CLPB: variants seen among roughly 807,000 people sequenced by gnomAD.
The protein encoded by CLPB is ClpB family mitochondrial disaggregase, also known as mitochondrial disaggregase.
A neutral mutation model predicts 78.4 loss-of-function variants in CLPB; 40 were observed. The ratio of observed to expected loss-of-function variants is 0.51; its 90% CI spans 0.40 to 0.66. The LOEUF is 0.66. Among genes scored for constraint, CLPB ranks in the 30% least tolerant of loss-of-function variants. CLPB has a pLI of 0.00. For synonymous variants in CLPB, 333 were observed against 348.0 expected (o/e 0.96, Z 0.48); for missense variants, 780 against 886.9 (o/e 0.88, Z 1.53).
rs1949423937 is a variant in CLPB at position 72,289,230 on chromosome 11, A to ACC, written c.*4135_*4136dup. The ACC allele has an allele frequency of 6.6e-6, 1 of 151,974 alleles. No homozygotes were observed. Among genetic ancestry groups the ACC allele is most frequent in the Non-Finnish European group, 1.5e-5 (1 of 67,996 alleles). The allele number at this position is 151,974 out of a possible 1,614,324, so 9.4% of individuals were successfully genotyped here. A position where few individuals can be genotyped will look rare whatever the true frequency, so the allele number is the denominator to read the frequency against. On this transcript the variant is annotated 3_prime_UTR_variant, in exon 16 of 16. Transcript: ENST00000538039. ...TAGGTTCCTTAGAATCTAAGGTTCTACCCCTGTCTCCTTATCCTATTCTCA... is the reference window on the plus strand; with the variant it reads ...TAGGTTCCTTAGAATCTAAGGTTCTACCCCCCTGTCTCCTTATCCTATTCTCA...
At position 72,384,781 on chromosome 11, in the gene CLPB, A is replaced by C. The variant is rs1855026811; in HGVS notation, c.543-4397T>G. The stretch of plus-strand genomic sequence containing the variant: ...GGAATAAAATAGACTTTAAGTCCAA[A>C]CTGTAAAAAGAGACAAAGAAGGTCA... On this transcript the variant is annotated intron_variant, in intron 3 of 15. Coordinates refer to ENST00000538039, the MANE Select transcript of CLPB (RefSeq NM_001258392.3). 2.0e-5 allele frequency among the ~76,000 whole-genome samples: 3 copies of C among 152,222 alleles called. No homozygotes were observed. The South Asian group carries it at 6.2e-4, about 31-fold the overall frequency.
At chr11:72,347,748 A>G (rs1950542394) in intron 5 of CLPB, among the ~76,000 whole-genome samples, 1 of 152,214 alleles carries the variant, frequency 6.6e-6, no homozygotes, top group Non-Finnish European at 1.5e-5. Context: ...TGTTAGGGGA[A>G]TATGAAGGTT....
At position 72,403,914 on chromosome 11, in the gene CLPB, T is replaced by C. The variant is rs151168575; in HGVS notation, c.456-862A>G. ...CTGAGCACCTTCTACAAGCAGGAAC[T>C]ACCCCAAGTACTTTACATTCATGAT... On this transcript the variant is annotated intron_variant, in intron 2 of 15. Coordinates refer to ENST00000538039, the MANE Select transcript of CLPB (RefSeq NM_001258392.3). Among the ~76,000 whole-genome samples, 39 of 152,338 alleles carry C rather than the reference T, an allele frequency of 2.6e-4. No individual in the cohort carries two copies. The East Asian group carries it at 7.5e-3, about 29-fold the overall frequency.
intron 2 of CLPB, chr11:72,410,675 G>A (rs2135109845): frequency 6.6e-6 from 1 of 152,304 alleles, no homozygotes; most frequent in East Asian, 1.9e-4. Flanking sequence ...TCCCAGGCAA[G>A]GGCAGCAGCA....
intron 2 of CLPB, among the ~76,000 whole-genome samples, chr11:72,406,977 A>G (rs1483494672): frequency 6.6e-6 from 1 of 152,134 alleles, no homozygotes; most frequent in Non-Finnish European, 1.5e-5. Context: ...AAGTATACTC[A>G]TATTGCTAAG....
chr11:72,320,516 C>T (rs1950026032), intron 6 of CLPB, among the ~76,000 whole-genome samples: 1 of 152,078 alleles, frequency 6.6e-6, no homozygotes, highest in Non-Finnish European at 1.5e-5. Context: ...TTCTGATTCT[C>T]CCCAGCCTGG....
intron 3 of CLPB, among the ~76,000 whole-genome samples, chr11:72,393,991 G>C (rs1409082322): frequency 6.6e-6 from 1 of 152,070 alleles, no homozygotes; most frequent in African/African-American, 2.4e-5. Context: ...ATAAAATACT[G>C]AACAGGACAG....
intron 2 of CLPB, among the ~76,000 whole-genome samples, chr11:72,407,531 A>T (rs948234836): frequency 1.3e-5 from 2 of 152,138 alleles, no homozygotes; most frequent in African/African-American, 4.8e-5. Flanking sequence ...CATTTCTCTA[A>T]ACCTGCTATC....
chr11:72,373,908 C>T (rs1311523815), intron 4 of CLPB, among the ~76,000 whole-genome samples: 1 of 146,838 alleles, frequency 6.8e-6, no homozygotes, highest in Non-Finnish European at 1.5e-5. Flanking sequence ...TGCAGTGAGC[C>T]GAGATCATGT....
chr11:72,346,632 G>A (rs1950519426), intron 5 of CLPB, among the ~76,000 whole-genome samples: 1 of 150,244 alleles, frequency 6.7e-6, no homozygotes, highest in African/African-American at 2.4e-5. Flanking sequence ...CAAATATGAG[G>A]CAATGATAGC....
At chr11:72,428,370 T>C (rs1374126301) in intron 2 of CLPB, among the ~76,000 whole-genome samples, 1 of 152,076 alleles carries the variant, frequency 6.6e-6, no homozygotes, top group African/African-American at 2.4e-5. Flanking sequence ...ACTTCCCACG[T>C]CTCCCCACTG....
chr11:72,346,823 C>A (rs1205535916), intron 5 of CLPB, among the ~76,000 whole-genome samples: 2 of 151,284 alleles, frequency 1.3e-5, no homozygotes, highest in Non-Finnish European at 2.9e-5. Context: ...GATAAAAATA[C>A]AAAAAAATTT....
chr11:72,399,441 C>G (rs959262926), intron 3 of CLPB, among the ~76,000 whole-genome samples: 1 of 152,094 alleles, frequency 6.6e-6, no homozygotes, highest in South Asian at 2.1e-4. Flanking sequence ...TCACTTCAAA[C>G]TCTTTTTGGA....
intron 1 of CLPB, 100 bp from the exon 2 acceptor site, chr11:72,430,463 G>A (rs183807134): frequency 3.1e-4 from 314 of 1,003,974 alleles, no homozygotes; most frequent in Non-Finnish European, 4.3e-4. Context: ...CTTTAGAAAC[G>A]TGGACTTTGA....
chr11:72,328,926 T>C (rs901672028), intron 6 of CLPB, among the ~76,000 whole-genome samples: 9 of 151,266 alleles, frequency 5.9e-5, no homozygotes, highest in African/African-American at 2.2e-4. Context: ...AGGGCAGGAG[T>C]GAAGGGCAGG....
At position 72,359,013 on chromosome 11, in the gene CLPB, G is replaced by A. The variant is rs1413606087; in HGVS notation, c.647-5C>T. The A allele has an allele frequency of 6.2e-7, 1 of 1,613,366 alleles. No individual in the cohort carries two copies. The highest frequency in any genetic ancestry group is 8.5e-7 in the Non-Finnish European group (1 of 1,179,964). On this transcript the variant is annotated splice_polypyrimidine_tract_variant and splice_region_variant and intron_variant, in intron 4 of 15. Transcript: ENST00000538039. Reference sequence around the variant, plus strand: ...CATCCTCTCGGGTGATCAGGACTGGGGAGACAGCAACACAAACCCTTCCAT... The same window carrying A: ...CATCCTCTCGGGTGATCAGGACTGGAGAGACAGCAACACAAACCCTTCCAT...
intron 7 of CLPB, among the ~76,000 whole-genome samples, chr11:72,309,670 T>TA (rs1439799777): frequency 6.6e-6 from 1 of 152,146 alleles, no homozygotes; most frequent in Non-Finnish European, 1.5e-5. Context: ...CGTCTTTTTT[T>TA]AAAAAAGTAA....
At chr11:72,370,998 G>C (rs1951031016) in intron 4 of CLPB, among the ~76,000 whole-genome samples, 1 of 152,076 alleles carries the variant, frequency 6.6e-6, no homozygotes, top group Non-Finnish European at 1.5e-5. Context: ...TCTGCTGTGT[G>C]CCTGCTTCAC....
chr11:72,293,031 A>C lies in CLPB; in HGVS notation c.*336T>G. On this transcript the variant is annotated 3_prime_UTR_variant, in exon 16 of 16. Transcript: ENST00000538039. ...TGCCATACTTCTGAGCTTCCTGGGA[A>C]CATGAGAAAGTCTGGCGACTATGGG... 2 of 230,194 alleles carry C rather than the reference A, an allele frequency of 8.7e-6. No individual in the cohort carries two copies. The highest frequency in any genetic ancestry group is 8.7e-6 in the Non-Finnish European group (1 of 114,538). The allele number at this position is 230,194 out of a possible 1,614,324, so 14.3% of individuals were successfully genotyped here.
Sources: allele counts gnomAD v4.1 joint callset (sites outside exome capture counted in the v4.1 genomes callset), GRCh38; gene constraint gnomAD v4.1.1; transcripts MANE v1.5; gene names NCBI Gene and HGNC (gene_info 2026-07-23, HGNC 2026-07-21).